TBX10: variants seen among roughly 807,000 people sequenced by gnomAD.
TBX10 encodes the protein T-box transcription factor TBX10.
In TBX10, 26 loss-of-function variants were observed where a neutral mutation model predicts 32.4. The observed-to-expected ratio is 0.80, with a 90% CI of 0.59 to 1.11. The LOEUF (loss-of-function observed/expected upper bound fraction) is 1.11. Among genes scored for constraint, TBX10 ranks in the 50% most tolerant of loss-of-function variants. The probability of loss-of-function intolerance (pLI) is 0.00; values close to 1 mark genes in which losing one functional copy is unlikely to be tolerated. For missense variants in TBX10, 490 were observed against 494.5 expected (o/e 0.99, Z 0.09); for synonymous variants, 195 against 203.1 (o/e 0.96, Z 0.34).
intron 1 of TBX10, 32 bp from the exon 2 acceptor site, chr11:67,635,295 C>G (rs759377056): frequency 6.2e-7 from 1 of 1,612,226 alleles, no homozygotes; most frequent in Non-Finnish European, 8.5e-7. Flanking sequence ...GTGGGCCCCA[C>G]GCATCACCCA....
chr11:67,639,847 C>T (rs1855381183), upstream of TBX10, among the ~76,000 whole-genome samples: 1 of 152,202 alleles, frequency 6.6e-6, no homozygotes, highest in African/African-American at 2.4e-5. Context: ...CCTCCCTCTT[C>T]AAGTTCCTCC....
At chr11:67,632,121 C>T (rs977756718) in intron 7 of TBX10, among the ~76,000 whole-genome samples, 197 bp downstream of exon 7, 2 of 152,234 alleles carry the variant, frequency 1.3e-5, no homozygotes, top group African/African-American at 4.8e-5. Flanking sequence ...GGAAGCCTGC[C>T]TGGCACCCCC....
rs267603142 is a variant in TBX10, at chr11:67,631,691, C to G, written c.1072G>C (p.Asp358His). The G allele has an allele frequency of 1.9e-6, 3 of 1,608,096 alleles. No homozygotes were observed. Among genetic ancestry groups the G allele is most frequent in the Non-Finnish European group, 2.5e-6 (3 of 1,178,124 alleles). Residue 358 changes from aspartate (D) to histidine (H), a missense_variant, in exon 8 of 8, where the codon GAT (aspartate) becomes CAT (histidine). Coordinates refer to ENST00000335385, the MANE Select transcript of TBX10 (RefSeq NM_005995.5). ...GCTGGGAGAGGCAGGCCTCCTTGAT[C>G]CCTATCAGCCCGGATGTTGGGGAGG... is the stretch of plus-strand genomic sequence containing the variant. ...YPLPNIRADR[D>H]QGGLPLPAGL...
chr11:67,632,995 A>C lies in TBX10; in HGVS notation c.658T>G (p.Phe220Val). 6.2e-7 allele frequency: 1 copy of C among 1,614,216 alleles called. No individual in the cohort carries two copies. The highest frequency in any genetic ancestry group is 8.5e-7 in the Non-Finnish European group (1 of 1,180,014). ...ACTGCTGTGAACTGGGTCTCTGTGA[A>C]GATGAAGGACTTGAAGTTCTCCTGG... ...YAQENFKSFI[F>V]TETQFTAVTA... Residue 220 changes from phenylalanine (F) to valine (V), a missense_variant, in exon 5 of 8, where the codon TTC becomes GTC. Coordinates refer to ENST00000335385, the MANE Select transcript of TBX10 (RefSeq NM_005995.5).
chr11:67,632,933 A>G lies in TBX10; in HGVS notation c.705+15T>C, dbSNP rs1425698815. The G allele has an allele frequency of 6.2e-7, 1 of 1,614,136 alleles. No homozygotes were observed. Among genetic ancestry groups the G allele is most frequent in the Non-Finnish European group, 8.5e-7 (1 of 1,180,002 alleles). ...AATGGGCCTGCAGCGGGTGCTCCCG[A>G]GCTGGTTCACCCACCCTGTGGTTCT... On this transcript the variant is annotated intron_variant, in intron 5 of 7. Coordinates refer to ENST00000335385, the MANE Select transcript of TBX10 (RefSeq NM_005995.5).
intron 1 of TBX10, among the ~76,000 whole-genome samples, chr11:67,636,228 C>G (rs1057167013): frequency 1.4e-5 from 2 of 146,304 alleles, no homozygotes; most frequent in Non-Finnish European, 3.0e-5. Context: ...ACTATAGGTG[C>G]ACACCACCAC....
upstream of TBX10, among the ~76,000 whole-genome samples, chr11:67,641,574 T>C (rs1286758476): frequency 3.3e-5 from 5 of 152,144 alleles, no homozygotes; most frequent in Non-Finnish European, 5.9e-5. Flanking sequence ...ATATCACTGC[T>C]CAATACCAGG....
chr11:67,633,987 G>A (rs1348982276), intron 4 of TBX10, among the ~76,000 whole-genome samples: 2 of 106,954 alleles, frequency 1.9e-5, no homozygotes, highest in Admixed American at 1.0e-4. Context: ...ACATTCCCCC[G>A]CCCCCACCCC....
intron 1 of TBX10, 73 bp downstream of exon 1, chr11:67,639,393 T>TGA: frequency 4.1e-6 from 3 of 726,920 alleles, no homozygotes; most frequent in East Asian, 2.7e-5. Context: ...CTGTCTTGGT[T>TGA]CCCACCCTGC....
At position 67,634,903 on chromosome 11, in the gene TBX10, G is replaced by T. The variant is rs148072042; in HGVS notation, c.290C>A (p.Pro97His). 5.5e-5 allele frequency: 89 copies of T among 1,613,372 alleles called. 1 individual carries two copies. The highest frequency in any genetic ancestry group is 5.0e-4 in the Middle Eastern group (3 of 6,060). The part of the protein sequence containing the change: ...VTKAGRRMFP[P>H]FQVKILGMDS... ...CATGCCCAGGATCTTCACCTGGAAG[G>T]GGGGGAACATCCTCCTGCGGGAGGG... The change falls in exon 3 of 8, where the codon CCC (proline) becomes CAC (histidine). Residue 97 changes from proline (P) to histidine (H), a missense_variant. By Grantham distance (77) the Pro-to-His change is moderately conservative. Around this residue, in one of 3 missense-constraint regions of TBX10, gnomAD observed 307 missense variants for 294.9 expected, o/e 1.04. Transcript: ENST00000335385.
At position 67,632,389 on chromosome 11, in the gene TBX10, A is replaced by T. The variant is rs1403861985; in HGVS notation, c.797T>A (p.Leu266His). The T allele has an allele frequency of 1.2e-6, 2 of 1,612,888 alleles. No individual in the cohort carries two copies. The highest frequency in any genetic ancestry group is 1.7e-6 in the Non-Finnish European group (2 of 1,180,024). Residue 266 changes from leucine (L) to histidine (H), a missense_variant, in exon 7 of 8, where the codon CTC becomes CAC. Around this residue, in one of 3 missense-constraint regions of TBX10, gnomAD observed 177 missense variants for 176.6 expected, o/e 1.00. Transcript: ENST00000335385. ...DSWPVAPRPL[L>H]SVPARSHSSL... ...GCTGTGACTCCGGGCTGGGACACTG[A>T]GCAGGGGCCGTGGGGCCACAGGCCT... is the stretch of plus-strand genomic sequence containing the variant.
chr11:67,640,876 A>G (rs1408998338), upstream of TBX10, among the ~76,000 whole-genome samples: 3 of 152,128 alleles, frequency 2.0e-5, no homozygotes, highest in East Asian at 1.9e-4. Context: ...TGTGTCTCAC[A>G]TCTCAGCCTG....
intron 1 of TBX10, among the ~76,000 whole-genome samples, chr11:67,637,463 C>T (rs1419090425): frequency 1.3e-5 from 2 of 152,344 alleles, no homozygotes; most frequent in East Asian, 3.9e-4. Flanking sequence ...GTCCACCCTA[C>T]TGCTGTGTCT....
upstream of TBX10, among the ~76,000 whole-genome samples, chr11:67,641,495 C>T (rs890078313): frequency 1.2e-4 from 18 of 152,334 alleles, no homozygotes; most frequent in Admixed American, 1.2e-3. Context: ...CGCCTGCTGG[C>T]CCCCTGCCCC....
chr11:67,631,616 C>G lies in TBX10; in HGVS notation c.1147G>C (p.Asp383His), dbSNP rs752485816. ...CAGGGCTTCTGGCATCACTGGGAGT[C>G]CTGGCCAGGCCCCAGGCACACCACA... is the stretch of plus-strand genomic sequence containing the variant. Reference protein sequence around the residue: ...PTVVCLGPGQDSQ With the variant: ...PTVVCLGPGQHSQ The change falls in exon 8 of 8, where the codon GAC becomes CAC. Residue 383 changes from aspartate to histidine, a missense_variant. Around this residue, in one of 3 missense-constraint regions of TBX10, gnomAD observed 177 missense variants for 176.6 expected, o/e 1.00. Transcript: ENST00000335385. 3.1e-6 allele frequency: 5 copies of G among 1,597,594 alleles called. No homozygotes were observed. In the African/African-American group the frequency reaches 6.7e-5, roughly 21 times the overall value.
rs1406955636 is a variant in TBX10 at position 67,639,711 on chromosome 11, G to T, written c.-239C>A. Among the ~76,000 whole-genome samples the T allele has an allele frequency of 6.6e-6, 1 of 152,236 alleles. No individual in the cohort carries two copies. Among genetic ancestry groups the T allele is most frequent in the East Asian group, 1.9e-4 (1 of 5,196 alleles). On this transcript the variant is annotated 5_prime_UTR_variant, in exon 1 of 8. Transcript: ENST00000335385. ...GACCCCTGGTCTCCGAAGGTGAGAT[G>T]CAGGCTCTGGGGCGTGCAGCGGCCC...
intron 1 of TBX10, among the ~76,000 whole-genome samples, chr11:67,635,783 C>T (rs903190677): frequency 6.6e-6 from 1 of 152,158 alleles, no homozygotes; most frequent in Non-Finnish European, 1.5e-5. Flanking sequence ...GCCCCCCATT[C>T]AGCACCAATT....
chr11:67,636,724 C>G (rs532018689), intron 1 of TBX10, among the ~76,000 whole-genome samples: 1 of 152,148 alleles, frequency 6.6e-6, no homozygotes. Flanking sequence ...TCTCGAACTC[C>G]TGACCTCAGG....
Position 67,631,806 on chromosome 11 carries a change from C to A in TBX10, c.957G>T (p.Pro319=). The A allele has an allele frequency of 6.3e-7, 1 of 1,590,932 alleles. No individual in the cohort carries two copies. The highest frequency in any genetic ancestry group is 8.6e-7 in the Non-Finnish European group (1 of 1,169,146). ...GATACGTGACAGGCCTGTAGGTGGC[C>A]GGGGCCAGCAGGACCTCAGGTGGGG... ...LLPPPEVLLA[P]ATYRPVTYQS... is the part of the protein sequence containing the mutation. The change falls in exon 8 of 8, where the codon CCG becomes CCT. Residue 319 remains proline, a synonymous_variant. Coordinates refer to ENST00000335385, the MANE Select transcript of TBX10 (RefSeq NM_005995.5).
Sources: allele counts gnomAD v4.1 joint callset (sites outside exome capture counted in the v4.1 genomes callset), GRCh38; gene constraint gnomAD v4.1.1; regional missense constraint gnomAD v4.1.1; transcripts MANE v1.5; gene names NCBI Gene and HGNC (gene_info 2026-07-23, HGNC 2026-07-21).